The following BCKDHB variants were observed in gnomAD, a reference collection of about 807,000 sequenced individuals.
The protein encoded by BCKDHB is branched chain keto acid dehydrogenase E1 subunit beta, also known as 2-oxoisovalerate dehydrogenase subunit beta, mitochondrial.
Under a neutral mutation model 48.5 loss-of-function variants are expected in BCKDHB, and 41 were observed. The observed-to-expected ratio is 0.85, with a 90% CI of 0.66 to 1.10. The LOEUF (loss-of-function observed/expected upper bound fraction) is 1.10. BCKDHB is among the 50% of genes least tolerant of loss of function. The pLI, the probability that BCKDHB is intolerant of heterozygous loss-of-function variation, is 0.00. For missense variants in BCKDHB, 496 were observed against 494.2 expected (o/e 1.00, Z -0.03); for synonymous variants, 201 against 174.8 (o/e 1.15, Z -1.18).
chr6:80,299,448 G>A (rs1156285076), intron 9 of BCKDHB, among the ~76,000 whole-genome samples: 2 of 152,208 alleles, frequency 1.3e-5, no homozygotes, highest in Non-Finnish European at 2.9e-5. Context: ...TCACCAGAAA[G>A]ATGTTACTGG....
intron 8 of BCKDHB, among the ~76,000 whole-genome samples, chr6:80,248,063 G>A: frequency 6.6e-6 from 1 of 152,144 alleles, no homozygotes; most frequent in South Asian, 2.1e-4. Context: ...TGAATGTTAG[G>A]TGGTTGTTAT....
At position 80,201,025 on chromosome 6, in the gene BCKDHB, C is replaced by T. The variant is rs1219194328; in HGVS notation, c.834C>T (p.Gly278=). The change falls in exon 7 of 10, where the codon GGC becomes GGT. Residue 278 remains glycine, a synonymous_variant. Coordinates refer to ENST00000320393, the MANE Select transcript of BCKDHB (RefSeq NM_183050.4). ...EGSDVTLVAW[G]TQVHVIREVA... ...GTGATGTTACTCTAGTTGCCTGGGG[C>T]ACTCAGGTGAGTAGCATTGATCCCA... 6.2e-7 allele frequency: 1 copy of T among 1,606,042 alleles called. No individual in the cohort carries two copies.
intron 8 of BCKDHB, among the ~76,000 whole-genome samples, chr6:80,257,284 C>G (rs9343977): frequency 6.6e-6 from 1 of 151,234 alleles, no homozygotes; most frequent in Non-Finnish European, 1.5e-5. Context: ...CTGTCTGTCT[C>G]TCTTCATCTT....
the BCKDHB span, among the ~76,000 whole-genome samples, chr6:80,402,905 G>A: frequency 1.3e-5 from 2 of 151,752 alleles, no homozygotes; most frequent in Non-Finnish European, 3.0e-5. Flanking sequence ...TCAAAGATTA[G>A]TTGATCAGAT....
intron 9 of BCKDHB, among the ~76,000 whole-genome samples, chr6:80,322,179 A>G (rs1439611797): frequency 6.6e-6 from 1 of 151,578 alleles, no homozygotes; most frequent in East Asian, 1.9e-4. Context: ...CATCAGGTCC[A>G]TGGAAGCCAG....
At chr6:80,331,345 C>T (rs1338399481) in intron 9 of BCKDHB, among the ~76,000 whole-genome samples, 2 of 152,166 alleles carry the variant, frequency 1.3e-5, no homozygotes, top group Admixed American at 6.5e-5. Flanking sequence ...ATAAAGACAG[C>T]ATATATTTCT....
At chr6:80,231,005 A>G (rs1167943598) in intron 8 of BCKDHB, among the ~76,000 whole-genome samples, 1 of 152,256 alleles carries the variant, frequency 6.6e-6, no homozygotes, top group Non-Finnish European at 1.5e-5. Context: ...GTTGTAAGTA[A>G]TAAATAAATC....
chr6:80,321,494 A>C (rs2128001941), intron 9 of BCKDHB, among the ~76,000 whole-genome samples: 1 of 152,234 alleles, frequency 6.6e-6, no homozygotes, highest in South Asian at 2.1e-4. Flanking sequence ...GGTCATGAGG[A>C]TGGTGTTGGA....
At position 80,168,980 on chromosome 6, in the gene BCKDHB, T is replaced by A; in HGVS notation, c.583T>A (p.Tyr195Asn). 1 of 1,614,218 alleles carries A rather than the reference T, an allele frequency of 6.2e-7. No homozygotes were observed. Among genetic ancestry groups the A allele is most frequent in the Non-Finnish European group, 8.5e-7 (1 of 1,180,016 alleles). ...PWGCVGHGALYHSQSPEAFFA... is the reference protein window; with the variant it reads ...PWGCVGHGALNHSQSPEAFFA... ...GGGCTGTGTTGGTCATGGGGCTCTC[T>A]ATCATTCTCAGAGTCCTGAAGCATT... Residue 195 changes from tyrosine to asparagine, a missense_variant, in exon 5 of 10, where the codon TAT (tyrosine) becomes AAT (asparagine). Coordinates refer to ENST00000320393, the MANE Select transcript of BCKDHB (RefSeq NM_183050.4).
At chr6:80,356,883 C>T in the BCKDHB span, 1 of 151,548 alleles carries the variant, frequency 6.6e-6, no homozygotes, top group South Asian at 2.1e-4. Context: ...TCTGTCACCC[C>T]CGACTCCTTC....
the BCKDHB span, among the ~76,000 whole-genome samples, chr6:80,404,957 C>T: frequency 2.0e-5 from 3 of 152,000 alleles, no homozygotes; most frequent in Non-Finnish European, 4.4e-5. Context: ...TTGTGGCCTG[C>T]CGTATGATCT....
the BCKDHB span, among the ~76,000 whole-genome samples, chr6:80,403,275 A>T: frequency 2.0e-5 from 3 of 151,720 alleles, no homozygotes; most frequent in South Asian, 2.1e-4. Flanking sequence ...TTCTTTCATC[A>T]GTGCTTTATA....
chr6:80,346,873 C>T (rs1471671018), downstream of BCKDHB, among the ~76,000 whole-genome samples: 1 of 152,062 alleles, frequency 6.6e-6, no homozygotes, highest in Non-Finnish European at 1.5e-5. Flanking sequence ...ATCCCTGACA[C>T]ACCTCCCCTC....
chr6:80,349,125 G>A (rs1003836153), downstream of BCKDHB, among the ~76,000 whole-genome samples: 18 of 152,230 alleles, frequency 1.2e-4, no homozygotes, highest in Non-Finnish European at 5.9e-5. Flanking sequence ...GACTGGAGTA[G>A]TAGATTTGCC....
At chr6:80,155,862 TTC>T (rs1772019130) in intron 3 of BCKDHB, among the ~76,000 whole-genome samples, 2 of 151,222 alleles carry the variant, frequency 1.3e-5, no homozygotes, top group African/African-American at 4.9e-5. Flanking sequence ...TTTTTAGGTT[TTC>T]TTTTTTTGAG....
chr6:80,116,147 TC>T (rs1769692822), intron 1 of BCKDHB, among the ~76,000 whole-genome samples: 1 of 152,214 alleles, frequency 6.6e-6, no homozygotes, highest in African/African-American at 2.4e-5. Context: ...TTTGCCCTTT[TC>T]CTCAGATGCT....
At chr6:80,106,942 C>G (rs563145912) in intron 1 of BCKDHB, 53 bp downstream of exon 1, 59 of 1,559,148 alleles carry the variant, frequency 3.8e-5, no homozygotes, top group Non-Finnish European at 5.0e-5. Flanking sequence ...CTCCCAGGCT[C>G]GCAGGCGCCC....
chr6:80,260,157 C>T (rs1194446898), intron 8 of BCKDHB, among the ~76,000 whole-genome samples: 2 of 152,108 alleles, frequency 1.3e-5, no homozygotes, highest in Non-Finnish European at 2.9e-5. Context: ...CCTGGCCCAG[C>T]TGCCAATACT....
At chr6:80,346,909 A>C (rs1223199699), downstream of BCKDHB, among the ~76,000 whole-genome samples, 1 of 148,744 alleles carries the variant, frequency 6.7e-6, no homozygotes, top group Non-Finnish European at 1.5e-5. Context: ...ATTTCCTCTC[A>C]TGGGTTCTAG....
Sources: allele counts gnomAD v4.1 joint callset (sites outside exome capture counted in the v4.1 genomes callset), GRCh38; gene constraint gnomAD v4.1.1; transcripts MANE v1.5; gene names NCBI Gene and HGNC (gene_info 2026-07-23, HGNC 2026-07-21).